ITPR2: variants seen among roughly 807,000 people sequenced by gnomAD.
ITPR2 encodes inositol 1,4,5-trisphosphate receptor type 2, also known as inositol 1,4,5-trisphosphate-gated calcium channel ITPR2.
In ITPR2, 207 loss-of-function variants were observed where a neutral mutation model predicts 317.1. The observed-to-expected ratio is 0.65, with a 90% CI of 0.58 to 0.73. The LOEUF is 0.73. Among genes scored for constraint, ITPR2 ranks in the 30% least tolerant of loss-of-function variants. The probability of loss-of-function intolerance (pLI) is 0.00; values close to 1 mark genes in which losing one functional copy is unlikely to be tolerated. For synonymous variants in ITPR2, 1,156 were observed against 1,149.1 expected (o/e 1.01, Z -0.12); for missense variants, 2,613 against 3,284.0 (o/e 0.80, Z 4.99).
intron 1 of ITPR2, among the ~76,000 whole-genome samples, chr12:26,810,814 A>T (rs1191406914): frequency 6.6e-6 from 1 of 152,088 alleles, no homozygotes; most frequent in Non-Finnish European, 1.5e-5. Context: ...GACCAGTTTC[A>T]TTTTTTGTTT....
chr12:26,503,624 T>C (rs546840241), intron 37 of ITPR2, among the ~76,000 whole-genome samples: 1 of 152,340 alleles, frequency 6.6e-6, no homozygotes, highest in African/African-American at 2.4e-5. Flanking sequence ...TTCTTCCACT[T>C]ATTGGCTTTG....
chr12:26,425,625 G>A (rs962442843), intron 49 of ITPR2, among the ~76,000 whole-genome samples: 3 of 148,364 alleles, frequency 2.0e-5, no homozygotes, highest in Non-Finnish European at 4.4e-5. Flanking sequence ...CCGAGATCAC[G>A]CCACTGCACT....
chr12:26,605,456 C>G (rs1167149124), intron 26 of ITPR2, among the ~76,000 whole-genome samples: 2 of 152,006 alleles, frequency 1.3e-5, no homozygotes, highest in African/African-American at 4.8e-5. Context: ...TACCACAAAC[C>G]AGGATTAAGA....
At chr12:26,763,933 G>A (rs1949678105) in intron 2 of ITPR2, among the ~76,000 whole-genome samples, 1 of 151,974 alleles carries the variant, frequency 6.6e-6, no homozygotes, top group South Asian at 2.1e-4. Flanking sequence ...GAAACGAACA[G>A]GTCTATTTAA....
At chr12:26,691,178 A>G (rs1375893067) in intron 10 of ITPR2, among the ~76,000 whole-genome samples, 1 of 152,208 alleles carries the variant, frequency 6.6e-6, no homozygotes, top group Admixed American at 6.5e-5. Context: ...TGACATCTGA[A>G]TAACGTGTGA....
At chr12:26,512,973 C>G (rs572922763) in intron 37 of ITPR2, among the ~76,000 whole-genome samples, 1 of 151,982 alleles carries the variant, frequency 6.6e-6, no homozygotes, top group South Asian at 2.1e-4. Context: ...AGGTGCCCAC[C>G]AACTCGAGTA....
intron 32 of ITPR2, among the ~76,000 whole-genome samples, chr12:26,586,250 T>C (rs1000976588): frequency 9.9e-5 from 15 of 152,220 alleles, no homozygotes; most frequent in African/African-American, 3.4e-4. Flanking sequence ...GCTCAGGGGA[T>C]CCTCTTCCCT....
chr12:26,535,245 T>G (rs1014882836), intron 37 of ITPR2, among the ~76,000 whole-genome samples: 1 of 152,160 alleles, frequency 6.6e-6, no homozygotes, highest in Non-Finnish European at 1.5e-5. Context: ...GAGGTAACAT[T>G]AAAATAAATC....
intron 37 of ITPR2, among the ~76,000 whole-genome samples, chr12:26,510,984 A>G (rs938423709): frequency 6.6e-6 from 1 of 152,252 alleles, no homozygotes; most frequent in African/African-American, 2.4e-5. Context: ...CAAAAAATAC[A>G]TTAAGTATAT....
At chr12:26,610,314 G>T (rs61920355) in intron 26 of ITPR2, among the ~76,000 whole-genome samples, 1 of 152,138 alleles carries the variant, frequency 6.6e-6, no homozygotes, top group Admixed American at 6.5e-5. Flanking sequence ...CTTGGAAAAG[G>T]AGAACCTTCT....
intron 2 of ITPR2, among the ~76,000 whole-genome samples, chr12:26,782,037 T>TAGAGAGAGAGAGAG (rs1177233376): frequency 3.1e-4 from 16 of 51,722 alleles, no homozygotes; most frequent in African/African-American, 8.0e-4. Flanking sequence ...TATATATGTA[T>TAGAGAGAGAGAGAG]AGAGAGAGAG....
At chr12:26,803,554 T>G (rs2098103437) in intron 1 of ITPR2, among the ~76,000 whole-genome samples, 1 of 152,210 alleles carries the variant, frequency 6.6e-6, no homozygotes, top group Non-Finnish European at 1.5e-5. Flanking sequence ...TAACATTTAA[T>G]TACATATTCT....
At chr12:26,661,473 T>A (rs1947502492) in intron 15 of ITPR2, among the ~76,000 whole-genome samples, 1 of 151,976 alleles carries the variant, frequency 6.6e-6, no homozygotes, top group Non-Finnish European at 1.5e-5. Context: ...ACTAGCAGAA[T>A]AACCAAATCC....
At chr12:26,782,656 A>G (rs1218006762) in intron 2 of ITPR2, among the ~76,000 whole-genome samples, 2 of 125,414 alleles carry the variant, frequency 1.6e-5, no homozygotes, top group Non-Finnish European at 4.1e-5. Flanking sequence ...AGATGGTTGC[A>G]TAACTTCTTA....
At position 26,340,269 on chromosome 12, in the gene ITPR2, G is replaced by A. The variant is rs757479030; in HGVS notation, c.7917C>T (p.Gly2639=). ...TCCGAATTTCATTTTGCTCACTGTC[G>A]CCTTCATTGCTAACGAGGGACATGG... ...MRAMSLVSNE[G]DSEQNEIRSL... is the part of the protein sequence containing the mutation. Residue 2639 remains glycine (G), a synonymous_variant, in exon 56 of 57, where the codon GGC becomes GGT. Coordinates refer to ENST00000381340, the MANE Select transcript of ITPR2 (RefSeq NM_002223.4). 6 of 1,610,870 alleles carry A rather than the reference G, an allele frequency of 3.7e-6. No homozygotes were observed. The highest frequency in any genetic ancestry group is 3.3e-5 in the South Asian group (3 of 90,046).
chr12:26,630,453 A>T (rs1451753834), intron 22 of ITPR2: 1 of 152,416 alleles, frequency 6.6e-6, no homozygotes, highest in Non-Finnish European at 1.5e-5. Flanking sequence ...GGGGAAAAAA[A>T]AAAAGAAGAC....
At position 26,338,324 on chromosome 12, in the gene ITPR2, A is replaced by G. The variant is rs1305009312; in HGVS notation, c.*1073T>C. The G allele has an allele frequency of 6.6e-6, 1 of 152,662 alleles. No homozygotes were observed. Among genetic ancestry groups the G allele is most frequent in the Admixed American group, 6.5e-5 (1 of 15,286 alleles). 9.5% of individuals were successfully genotyped at this position (152,662 alleles called of 1,614,324 possible). A position where few individuals can be genotyped will look rare whatever the true frequency, so the allele number is the denominator to read the frequency against. On this transcript the variant is annotated 3_prime_UTR_variant, in exon 57 of 57. Transcript: ENST00000381340. ...GCTACATTTTGAAAAGCCCTTACAG[A>G]TACAGTTTTAAATATGTAATTGAAA...
At chr12:26,391,831 G>T (rs1206265317) in intron 54 of ITPR2, among the ~76,000 whole-genome samples, 1 of 151,936 alleles carries the variant, frequency 6.6e-6, no homozygotes, top group East Asian at 1.9e-4. Context: ...TCCCAAAGTT[G>T]CTGAGATTAC....
chr12:26,486,713 T>C, intron 40 of ITPR2: 1 of 543,446 alleles, frequency 1.8e-6, no homozygotes, highest in Non-Finnish European at 3.5e-6. Context: ...GATTTTGTCA[T>C]TCTGAATACC....
Sources: allele counts gnomAD v4.1 joint callset (sites outside exome capture counted in the v4.1 genomes callset), GRCh38; gene constraint gnomAD v4.1.1; transcripts MANE v1.5; gene names NCBI Gene and HGNC (gene_info 2026-07-23, HGNC 2026-07-21).